Variants in AK8 observed in about 807,000 individuals in gnomAD.
AK8 encodes ATP-AMP transphosphorylase 8.
A neutral mutation model predicts 54.6 loss-of-function variants in AK8; 44 were observed. The ratio of observed to expected loss-of-function variants is 0.81; its 90% CI spans 0.63 to 1.04. The LOEUF is 1.04. Ranked by LOEUF, AK8 falls within the 50% of genes least tolerant of loss-of-function variation. The pLI, the probability that AK8 is intolerant of heterozygous loss-of-function variation, is 0.00. For missense variants in AK8, 555 were observed against 613.6 expected (o/e 0.90, Z 1.01); for synonymous variants, 239 against 245.6 (o/e 0.97, Z 0.25).
chr9:132,732,714 G>A (rs1836904448), intron 11 of AK8, among the ~76,000 whole-genome samples: 1 of 152,134 alleles, frequency 6.6e-6, no homozygotes, highest in Non-Finnish European at 1.5e-5. Flanking sequence ...GAAAGATGGT[G>A]AGAGACATTG....
At chr9:132,776,691 G>A (rs1406988229) in intron 11 of AK8, among the ~76,000 whole-genome samples, 2 of 152,186 alleles carry the variant, frequency 1.3e-5, no homozygotes, top group South Asian at 2.1e-4. Context: ...ACCTCCATGA[G>A]TGTGCCTCGA....
At chr9:132,726,685 T>C (rs2130924967) in intron 12 of AK8, among the ~76,000 whole-genome samples, 1 of 152,240 alleles carries the variant, frequency 6.6e-6, no homozygotes, top group South Asian at 2.1e-4. Flanking sequence ...CCTATGGAGC[T>C]CACAGTCAGA....
intron 11 of AK8, among the ~76,000 whole-genome samples, chr9:132,780,477 C>T (rs1301111371): frequency 6.6e-6 from 1 of 152,204 alleles, no homozygotes; most frequent in African/African-American, 2.4e-5. Flanking sequence ...ACAACAACTA[C>T]AAACCCAGCA....
At chr9:132,743,939 C>G (rs888760119) in intron 11 of AK8, among the ~76,000 whole-genome samples, 4 of 152,208 alleles carry the variant, frequency 2.6e-5, no homozygotes, top group Non-Finnish European at 4.4e-5. Flanking sequence ...AATAATCGTG[C>G]TTTGTTCCCT....
intron 8 of AK8, among the ~76,000 whole-genome samples, chr9:132,824,691 C>T (rs935780876): frequency 1.3e-5 from 2 of 152,180 alleles, no homozygotes; most frequent in Admixed American, 6.5e-5. Context: ...GATTGTGAAC[C>T]GCTGGGATAT....
chr9:132,780,250 C>CA (rs1397877922), intron 11 of AK8, among the ~76,000 whole-genome samples: 1 of 152,166 alleles, frequency 6.6e-6, no homozygotes, highest in Non-Finnish European at 1.5e-5. Context: ...ATGCCCTGTG[C>CA]AAAGCCATGG....
intron 8 of AK8, among the ~76,000 whole-genome samples, chr9:132,824,104 C>T (rs994215703): frequency 9.2e-5 from 14 of 152,188 alleles, no homozygotes; most frequent in Non-Finnish European, 1.9e-4. Flanking sequence ...CAAGAAGCCA[C>T]AGGGCAAAGC....
At chr9:132,810,752 C>T (rs923984765) in intron 10 of AK8, among the ~76,000 whole-genome samples, 1 of 152,156 alleles carries the variant, frequency 6.6e-6, no homozygotes, top group African/African-American at 2.4e-5. Context: ...TTCTTGGCGA[C>T]CGTGACATCC....
At chr9:132,812,153 TTGGAGAGAAA>T (rs59882807) in intron 10 of AK8, among the ~76,000 whole-genome samples, 30,152 of 151,298 alleles carry the variant, frequency 0.2, 3,285 homozygotes, top group East Asian at 0.43. Flanking sequence ...AAATGGGAAT[TTGGAGAGAAA>T]TGGAGAGAAA....
intron 8 of AK8, among the ~76,000 whole-genome samples, chr9:132,824,886 A>G: frequency 6.6e-6 from 1 of 152,194 alleles, no homozygotes; most frequent in East Asian, 1.9e-4. Context: ...TATAGGCACC[A>G]TCTCTTTTCT....
rs1452647999 is a variant in AK8 at position 132,781,536 on chromosome 9, T to C, written c.1121+11098A>G. Among the ~76,000 whole-genome samples, 1 of 152,180 alleles carries C rather than the reference T, an allele frequency of 6.6e-6. No individual in the cohort carries two copies. The highest frequency in any genetic ancestry group is 2.4e-5 in the African/African-American group (1 of 41,456). On this transcript the variant is annotated intron_variant, in intron 11 of 12. Coordinates refer to ENST00000298545, the MANE Select transcript of AK8 (RefSeq NM_152572.3). The surrounding 1 kb of genome is among the most constrained non-coding windows in gnomAD (Gnocchi z 4.6). ...ACCCTTCCCCGATAACTCTATTTACTAGTGTGAATATATTTTAATAATAAA... is the reference window on the plus strand; with the variant it reads ...ACCCTTCCCCGATAACTCTATTTACCAGTGTGAATATATTTTAATAATAAA...
At chr9:132,866,444 G>T (rs1304565064) in intron 3 of AK8, among the ~76,000 whole-genome samples, 1 of 152,192 alleles carries the variant, frequency 6.6e-6, no homozygotes, top group Non-Finnish European at 1.5e-5. Context: ...CTGGGAGTTG[G>T]ATACGTGAAT....
intron 5 of AK8, among the ~76,000 whole-genome samples, chr9:132,830,213 T>C (rs1436047598): frequency 1.3e-5 from 2 of 152,266 alleles, no homozygotes; most frequent in Non-Finnish European, 2.9e-5. Flanking sequence ...TCCCATATTG[T>C]TGCTCATATT....
At chr9:132,760,179 CGTT>C (rs770011419) in intron 11 of AK8, among the ~76,000 whole-genome samples, 20 of 151,652 alleles carry the variant, frequency 1.3e-4, no homozygotes, top group South Asian at 4.2e-4. Flanking sequence ...TTCTGCTATA[CGTT>C]GTTAATTTTT....
chr9:132,786,477 C>G (rs1160247397), intron 11 of AK8, among the ~76,000 whole-genome samples: 1 of 152,142 alleles, frequency 6.6e-6, no homozygotes, highest in South Asian at 2.1e-4. Context: ...CCCCTGGACC[C>G]CCAGAGAGGG....
chr9:132,794,306 G>A (rs1038512292), intron 10 of AK8, among the ~76,000 whole-genome samples: 1 of 152,336 alleles, frequency 6.6e-6, no homozygotes, highest in Non-Finnish European at 1.5e-5. Context: ...AGGATAAAGA[G>A]CAGTCTCCTT....
At chr9:132,833,262 G>A (rs568556673) in intron 5 of AK8, among the ~76,000 whole-genome samples, 7 of 152,342 alleles carry the variant, frequency 4.6e-5, no homozygotes, top group East Asian at 3.9e-4. Flanking sequence ...TGGGCTGCAC[G>A]TTCACAGGGA....
In AK8 at chr9:132,792,693, G is replaced by C; in HGVS notation, c.1062C>G (p.Gly354=). The change falls in exon 11 of 13, where the codon GGC becomes GGG. Residue 354 remains glycine (G), a synonymous_variant. Transcript: ENST00000298545. ...GTGCCTGGTCGAGGTCCCGCGGGAC[G>C]CCGTGTAGCACCCAGCCTTTCTGGA... ...DCIQKGWVLH[G]VPRDLDQAHL... is the part of the protein sequence containing the mutation. The C allele has an allele frequency of 6.4e-7, 1 of 1,556,358 alleles. No individual in the cohort carries two copies. Among genetic ancestry groups the C allele is most frequent in the Admixed American group, 1.9e-5 (1 of 51,838 alleles).
chr9:132,832,412 CAGGAGACG>C (rs1842146642), intron 5 of AK8, among the ~76,000 whole-genome samples: 3 of 152,164 alleles, frequency 2.0e-5, no homozygotes, highest in African/African-American at 7.2e-5. Context: ...CCAGCAGAAC[CAGGAGACG>C]CAGCGTCTGA....
Sources: gnomAD v4.1 joint callset for allele counts (sites outside exome capture counted in the v4.1 genomes callset) on GRCh38, gnomAD v4.1.1 for gene constraint, Gnocchi (gnomAD v3.1) non-coding constraint, MANE v1.5 for transcripts, NCBI Gene and HGNC (gene_info 2026-07-23, HGNC 2026-07-21) for gene names.